Variants in CSMD1 observed in about 807,000 individuals in gnomAD.
CSMD1 encodes CUB and Sushi multiple domains 1, also known as CUB and sushi domain-containing protein 1.
CSMD1 carries 213 observed loss-of-function variants against 417.5 expected under a neutral mutation model. The observed-to-expected ratio is 0.51, with a 90% CI of 0.46 to 0.57. CSMD1 has a LOEUF of 0.57. Ranked by LOEUF, CSMD1 falls within the 20% of genes least tolerant of loss-of-function variation. The pLI is 0.00. For missense variants in CSMD1, 6,923 were observed against 4,529.7 expected (o/e 1.53, Z -15.17); for synonymous variants, 2,862 against 1,736.8 (o/e 1.65, Z -16.11).
At chr8:4,403,076 T>C (rs7012017) in intron 3 of CSMD1, among the ~76,000 whole-genome samples, 99,868 of 151,696 alleles carry the variant, frequency 0.66, 33,594 homozygotes, top group African/African-American at 0.8. Context: ...CGTGATCCGC[T>C]CGCCTCAGCC....
chr8:3,263,704 T>G (rs539045216), intron 26 of CSMD1, among the ~76,000 whole-genome samples: 44 of 152,328 alleles, frequency 2.9e-4, no homozygotes, highest in Non-Finnish European at 5.4e-4. Context: ...TTCACAATAG[T>G]ATTTGAATCA....
Position 2,974,481 on chromosome 8 carries a change from G to T in CSMD1, c.8710C>A (p.His2904Asn). 1.2e-6 allele frequency: 2 copies of T among 1,612,204 alleles called. No individual in the cohort carries two copies. The highest frequency in any genetic ancestry group is 1.1e-5 in the South Asian group (1 of 90,994). ...NDTRVCQEDS[H>N]WSGALPHCTG... ...CAGTGGGGCAGTGCCCCGCTCCAGT[G>T]ACTGTCTTCCTGGCACACTCTCGTG... Residue 2904 changes from histidine (H) to asparagine (N), a missense_variant, in exon 56 of 70, where the codon CAC (histidine) becomes AAC (asparagine). Coordinates refer to ENST00000635120, the MANE Select transcript of CSMD1 (RefSeq NM_033225.6).
intron 9 of CSMD1, 94 bp from the exon 10 acceptor site, chr8:3,575,160 C>G (rs1202936559): frequency 9.2e-7 from 1 of 1,085,314 alleles, no homozygotes; most frequent in Non-Finnish European, 1.2e-6. Flanking sequence ...TAGCTATTAT[C>G]TAATCACAGT....
rs144464853 is a variant in CSMD1, at chr8:4,885,237, T to G, written c.85+109095A>C. On this transcript the variant is annotated intron_variant, in intron 1 of 69. Coordinates refer to ENST00000635120, the MANE Select transcript of CSMD1 (RefSeq NM_033225.6). Reference sequence around the variant, plus strand: ...AGATATAATAGTTTTTTAATCGAATTTCTTAGCATTTTCCATGTCCAAGAG... The same window carrying G: ...AGATATAATAGTTTTTTAATCGAATGTCTTAGCATTTTCCATGTCCAAGAG... 3.5e-4 allele frequency among the ~76,000 whole-genome samples: 54 copies of G among 152,216 alleles called. No individual in the cohort carries two copies. In the East Asian group the frequency reaches 6.8e-3, roughly 19 times the overall value.
chr8:3,859,213 G>C (rs992315722), intron 5 of CSMD1, among the ~76,000 whole-genome samples: 1 of 152,150 alleles, frequency 6.6e-6, no homozygotes, highest in Non-Finnish European at 1.5e-5. Context: ...GAGTACGTGG[G>C]AAAGCCACCA....
intron 5 of CSMD1, among the ~76,000 whole-genome samples, chr8:3,801,552 G>C (rs73658279): frequency 0.04 from 6,156 of 152,184 alleles, 330 homozygotes; most frequent in African/African-American, 0.12. Flanking sequence ...TATGCTGGAA[G>C]ACAGTTTTGC....
At chr8:4,125,962 G>A (rs1165206377) in intron 3 of CSMD1, among the ~76,000 whole-genome samples, 1 of 152,082 alleles carries the variant, frequency 6.6e-6, no homozygotes, top group African/African-American at 2.4e-5. Flanking sequence ...CATTACTATT[G>A]TAAAACCTAA....
chr8:3,776,516 G>A (rs149206264), intron 5 of CSMD1, among the ~76,000 whole-genome samples: 2 of 152,210 alleles, frequency 1.3e-5, no homozygotes, highest in African/African-American at 2.4e-5. Context: ...ACACCCTGGG[G>A]CCTTGGAACT....
chr8:3,414,714 T>A (rs963670661), intron 12 of CSMD1, among the ~76,000 whole-genome samples: 1 of 152,210 alleles, frequency 6.6e-6, no homozygotes, highest in African/African-American at 2.4e-5. Context: ...ATCTCGTTAG[T>A]TCTTTCCCGG....
At chr8:4,390,840 C>A (rs921427600) in intron 3 of CSMD1, among the ~76,000 whole-genome samples, 1 of 152,040 alleles carries the variant, frequency 6.6e-6, no homozygotes, top group Non-Finnish European at 1.5e-5. Flanking sequence ...CATGCCCGGC[C>A]AAAAGTATCC....
chr8:3,472,480 C>G (rs1817163153), intron 11 of CSMD1, among the ~76,000 whole-genome samples: 1 of 151,852 alleles, frequency 6.6e-6, no homozygotes, highest in Non-Finnish European at 1.5e-5. Flanking sequence ...ACCAATCTGT[C>G]CCATCTCTGA....
intron 2 of CSMD1, among the ~76,000 whole-genome samples, chr8:4,506,701 G>A (rs1802544410): frequency 6.6e-6 from 1 of 152,180 alleles, no homozygotes; most frequent in South Asian, 2.1e-4. Context: ...TGAATAAGGA[G>A]TCAGCTTCTC....
At chr8:4,661,680 C>T (rs1563089469) in intron 1 of CSMD1, among the ~76,000 whole-genome samples, 1 of 152,132 alleles carries the variant, frequency 6.6e-6, no homozygotes, top group African/African-American at 2.4e-5. Flanking sequence ...TTATTGTTTA[C>T]AACTTCATGG....
intron 1 of CSMD1, among the ~76,000 whole-genome samples, chr8:4,662,005 T>C (rs1486845550): frequency 1.3e-5 from 2 of 152,178 alleles, no homozygotes; most frequent in African/African-American, 2.4e-5. Flanking sequence ...TTAGCAATGT[T>C]TGATGAACAA....
chr8:3,184,706 C>T (rs890339694), intron 36 of CSMD1, among the ~76,000 whole-genome samples: 1 of 152,202 alleles, frequency 6.6e-6, no homozygotes, highest in African/African-American at 2.4e-5. Context: ...TTTCAGGACT[C>T]ATCCTATGGA....
chr8:3,493,380 T>C (rs1796217196), intron 11 of CSMD1, among the ~76,000 whole-genome samples: 1 of 152,022 alleles, frequency 6.6e-6, no homozygotes, highest in South Asian at 2.1e-4. Flanking sequence ...ACTAATTTTT[T>C]GCCATAAACA....
At chr8:3,276,655 A>T (rs1272193135) in intron 26 of CSMD1, among the ~76,000 whole-genome samples, 2 of 152,324 alleles carry the variant, frequency 1.3e-5, no homozygotes, top group Middle Eastern at 3.4e-3. Flanking sequence ...AAACCGTATC[A>T]TTATTAAAAT....
chr8:4,113,388 GGCT>G (rs1801961686), intron 3 of CSMD1, among the ~76,000 whole-genome samples: 1 of 119,998 alleles, frequency 8.3e-6, no homozygotes, highest in Non-Finnish European at 1.7e-5. Context: ...AAAATAAAAG[GGCT>G]TTTTTTTTTT....
chr8:3,407,526 G>C (rs1426343111), intron 14 of CSMD1, among the ~76,000 whole-genome samples: 1 of 151,866 alleles, frequency 6.6e-6, no homozygotes, highest in African/African-American at 2.4e-5. Context: ...GATACAGATG[G>C]ACAGATGGAT....
Sources: allele counts gnomAD v4.1 joint callset (sites outside exome capture counted in the v4.1 genomes callset), GRCh38; gene constraint gnomAD v4.1.1; transcripts MANE v1.5; gene names NCBI Gene and HGNC (gene_info 2026-07-23, HGNC 2026-07-21).